CEP85L: variants seen among roughly 807,000 people sequenced by gnomAD.
CEP85L encodes centrosomal protein of 85 kDa-like.
A neutral mutation model predicts 100.3 loss-of-function variants in CEP85L; 60 were observed. That is an observed-to-expected ratio of 0.60 (90% CI 0.49 to 0.74). The LOEUF (loss-of-function observed/expected upper bound fraction) is 0.74. Ranked by LOEUF, CEP85L falls within the 30% of genes least tolerant of loss-of-function variation. CEP85L has a pLI of 0.00. For synonymous variants in CEP85L, 319 were observed against 322.7 expected, an observed-to-expected ratio of 0.99 and a Z score of 0.12; for missense variants, 973 against 936.2, an observed-to-expected ratio of 1.04 and a Z score of -0.51.
At chr6:118,469,690 T>C (rs1772796894) in intron 11 of CEP85L, among the ~76,000 whole-genome samples, 2 of 152,218 alleles carry the variant, frequency 1.3e-5, no homozygotes, top group Admixed American at 1.3e-4. Flanking sequence ...AGCCTTGACC[T>C]CCTCGGGCTC....
chr6:118,591,877 G>T (rs1244026098), intron 2 of CEP85L, among the ~76,000 whole-genome samples: 1 of 152,126 alleles, frequency 6.6e-6, no homozygotes, highest in Non-Finnish European at 1.5e-5. Context: ...AAGAATTTAT[G>T]ATTCAAATAT....
chr6:118,616,981 T>G (rs1405621856), intron 2 of CEP85L, among the ~76,000 whole-genome samples: 1 of 150,170 alleles, frequency 6.7e-6, no homozygotes, highest in African/African-American at 2.4e-5. Context: ...GGGGATCACT[T>G]GAGCCCAGGA....
At chr6:118,669,422 T>A (rs1562350478) in intron 1 of CEP85L, among the ~76,000 whole-genome samples, 1 of 151,836 alleles carries the variant, frequency 6.6e-6, no homozygotes, top group Non-Finnish European at 1.5e-5. Context: ...CAGTATTCCG[T>A]TGTTGTTCCA....
chr6:118,472,140 T>C (rs1773007388), intron 10 of CEP85L, among the ~76,000 whole-genome samples: 1 of 151,962 alleles, frequency 6.6e-6, no homozygotes, highest in Non-Finnish European at 1.5e-5. Context: ...CAGAATACAG[T>C]CCTTTAAAAG....
At chr6:118,475,148 T>C (rs1047355682) in intron 10 of CEP85L, among the ~76,000 whole-genome samples, 2 of 152,168 alleles carry the variant, frequency 1.3e-5, no homozygotes, top group African/African-American at 2.4e-5. Context: ...GGTATATTTA[T>C]AGAGATAGCA....
rs1173610100 is a variant in CEP85L at position 118,566,298 on chromosome 6, C to A, written c.251G>T (p.Gly84Val). Residue 84 changes from glycine to valine, a missense_variant, in exon 3 of 13, where the codon GGC (glycine) becomes GTC (valine). Transcript: ENST00000368491. ...DSVEDHSTSS[G>V]TLSFKPSQSL... ...TTGACTAGGCTTAAAAGATAATGTGCCACTTGAAGTTGAATGATCTGGAAA... is the reference window on the plus strand; with the variant it reads ...TTGACTAGGCTTAAAAGATAATGTGACACTTGAAGTTGAATGATCTGGAAA... 2.5e-6 allele frequency: 4 copies of A among 1,612,394 alleles called. No homozygotes were observed. In the South Asian group the frequency reaches 4.4e-5, roughly 18 times the overall value.
chr6:118,688,316 A>G (rs1776907887), intron 1 of CEP85L, among the ~76,000 whole-genome samples: 2 of 152,148 alleles, frequency 1.3e-5, no homozygotes, highest in Admixed American at 1.3e-4. Flanking sequence ...TTTTATTTTT[A>G]ACTGAAAAGT....
chr6:118,649,381 C>G (rs1297133650), intron 1 of CEP85L, among the ~76,000 whole-genome samples: 1 of 152,108 alleles, frequency 6.6e-6, no homozygotes, highest in Non-Finnish European at 1.5e-5. Flanking sequence ...TATTCTATGC[C>G]ATAGCAAATG....
chr6:118,664,831 TA>T (rs1776081943), intron 1 of CEP85L, among the ~76,000 whole-genome samples: 1 of 152,208 alleles, frequency 6.6e-6, no homozygotes, highest in South Asian at 2.1e-4. Context: ...GCTATCTCGG[TA>T]GTCACTTACT....
Position 118,464,335 on chromosome 6 carries a change from T to C in CEP85L, c.*1070A>G, listed in dbSNP as rs1306872931. 1 of 152,168 alleles carries C rather than the reference T, an allele frequency of 6.6e-6. No homozygotes were observed. The highest frequency in any genetic ancestry group is 2.4e-5 in the African/African-American group (1 of 41,462). The allele number at this position is 152,168 out of a possible 1,614,324, so 9.4% of individuals were successfully genotyped here. A position where few individuals can be genotyped will look rare whatever the true frequency, so the allele number is the denominator to read the frequency against. On this transcript the variant is annotated 3_prime_UTR_variant, in exon 13 of 13. Coordinates refer to ENST00000368491, the MANE Select transcript of CEP85L (RefSeq NM_001042475.3). ...CAAGTTCATATCCTGTGAAAAACTG[T>C]TGTTAATGTACTTTAACAAAAGGGA...
intron 1 of CEP85L, among the ~76,000 whole-genome samples, chr6:118,684,508 CT>C (rs1163064091): frequency 2.6e-5 from 4 of 151,944 alleles, no homozygotes; most frequent in African/African-American, 9.7e-5. Flanking sequence ...CGACCTGTTT[CT>C]AAAAAAGAAA....
At chr6:118,584,636 A>T (rs1027096937) in intron 2 of CEP85L, among the ~76,000 whole-genome samples, 1 of 152,214 alleles carries the variant, frequency 6.6e-6, no homozygotes, top group Non-Finnish European at 1.5e-5. Flanking sequence ...ACACAGGCCC[A>T]AAGACCAGGC....
At chr6:118,622,077 C>T (rs889913261) in intron 2 of CEP85L, among the ~76,000 whole-genome samples, 5 of 152,198 alleles carry the variant, frequency 3.3e-5, no homozygotes, top group African/African-American at 1.2e-4. Flanking sequence ...GCCCTACAAC[C>T]AGGGGCATAC....
chr6:118,590,866 C>T (rs1781148439), intron 2 of CEP85L, among the ~76,000 whole-genome samples: 1 of 152,184 alleles, frequency 6.6e-6, no homozygotes, highest in South Asian at 2.1e-4. Flanking sequence ...TCCTTAAAAG[C>T]ACTCCACATG....
At chr6:118,564,379 T>C (rs1044926438) in intron 3 of CEP85L, among the ~76,000 whole-genome samples, 13 of 152,336 alleles carry the variant, frequency 8.5e-5, no homozygotes, top group African/African-American at 3.1e-4. Flanking sequence ...AAACTAAAAC[T>C]TGACAGTATT....
chr6:118,614,126 A>C (rs1256994679), intron 2 of CEP85L, among the ~76,000 whole-genome samples: 1 of 152,228 alleles, frequency 6.6e-6, no homozygotes, highest in African/African-American at 2.4e-5. Flanking sequence ...CTAAAGAAGA[A>C]AATCATAAAT....
intron 1 of CEP85L, among the ~76,000 whole-genome samples, chr6:118,669,900 G>A (rs1562350790): frequency 6.6e-6 from 1 of 150,552 alleles, no homozygotes; most frequent in Non-Finnish European, 1.5e-5. Flanking sequence ...AGTCCCATAA[G>A]CTCTCTGGGC....
At chr6:118,492,128 T>C (rs978835320) in intron 5 of CEP85L, among the ~76,000 whole-genome samples, 25 of 152,060 alleles carry the variant, frequency 1.6e-4, no homozygotes, top group African/African-American at 6.0e-4. Flanking sequence ...AAAGATAAAG[T>C]ATGTAAGGTT....
At chr6:118,691,961 G>T (rs1777060039) in intron 1 of CEP85L, among the ~76,000 whole-genome samples, 1 of 152,032 alleles carries the variant, frequency 6.6e-6, no homozygotes, top group East Asian at 1.9e-4. Flanking sequence ...GGATTGCTTG[G>T]GTTCGGCTAT....
Sources: gnomAD v4.1 joint callset for allele counts (sites outside exome capture counted in the v4.1 genomes callset) on GRCh38, gnomAD v4.1.1 for gene constraint, MANE v1.5 for transcripts, NCBI Gene and HGNC (gene_info 2026-07-23, HGNC 2026-07-21) for gene names.